Variants in SPECC1 observed in about 807,000 individuals in gnomAD.
SPECC1 encodes sperm antigen with calponin homology and coiled-coil domains 1.
A neutral mutation model predicts 104.1 loss-of-function variants in SPECC1; 62 were observed. The ratio of observed to expected loss-of-function variants is 0.60; its 90% CI spans 0.49 to 0.74. The LOEUF is 0.74. Ranked by LOEUF, SPECC1 falls within the 30% of genes least tolerant of loss-of-function variation. The probability of loss-of-function intolerance (pLI) is 0.00; values close to 1 mark genes in which losing one functional copy is unlikely to be tolerated. For synonymous variants in SPECC1, 513 were observed against 501.6 expected, an observed-to-expected ratio of 1.02 and a Z score of -0.30; for missense variants, 1,306 against 1,310.5, an observed-to-expected ratio of 1.00 and a Z score of 0.05.
intron 3 of SPECC1, among the ~76,000 whole-genome samples, chr17:20,185,550 A>T (rs972487270): frequency 6.6e-6 from 1 of 152,226 alleles, no homozygotes; most frequent in South Asian, 2.1e-4. Context: ...TGGCCTAGCC[A>T]AGCTCTTCCC....
intron 3 of SPECC1, among the ~76,000 whole-genome samples, chr17:20,117,832 G>A (rs1326108000): frequency 1.3e-4 from 20 of 151,398 alleles, no homozygotes; most frequent in Admixed American, 1.2e-3. Context: ...GGCTGGGTGC[G>A]GTGGCTCAAC....
intron 3 of SPECC1, among the ~76,000 whole-genome samples, chr17:20,180,584 C>T (rs758543315): frequency 6.6e-6 from 1 of 152,064 alleles, no homozygotes; most frequent in Non-Finnish European, 1.5e-5. Context: ...TCACAGGGGC[C>T]GGTGGGTGGC....
chr17:20,018,424 T>C (rs973840389), intron 1 of SPECC1, among the ~76,000 whole-genome samples: 10 of 152,218 alleles, frequency 6.6e-5, no homozygotes, highest in Non-Finnish European at 1.5e-4. Context: ...AGGGTCTTGC[T>C]CTGTCTCCCA....
intron 2 of SPECC1, 70 bp downstream of exon 2, chr17:20,096,868 A>T (rs541477689): frequency 8.8e-5 from 136 of 1,546,516 alleles, no homozygotes; most frequent in Non-Finnish European, 1.2e-4. Flanking sequence ...TGAAGAGGGC[A>T]GTAAGCAAAC....
At chr17:20,056,703 T>C (rs1324697851) in intron 1 of SPECC1, 1 of 152,350 alleles carries the variant, frequency 6.6e-6, no homozygotes, top group Non-Finnish European at 1.5e-5. Flanking sequence ...ATTTTATAGA[T>C]GTTTGCATTG....
chr17:20,227,486 A>G lies in SPECC1; in HGVS notation c.1937A>G (p.Lys646Arg). The G allele has an allele frequency of 6.2e-7, 1 of 1,613,924 alleles. No homozygotes were observed. The highest frequency in any genetic ancestry group is 2.2e-5 in the East Asian group (1 of 44,884). ...GAACAGCTGAGCAGAACCAGCCTAAAGCTGCAAGAAAAAGCATCAGAGAGT... is the reference window on the plus strand; with the variant it reads ...GAACAGCTGAGCAGAACCAGCCTAAGGCTGCAAGAAAAAGCATCAGAGAGT... ...QAEQLSRTSL[K>R]LQEKASESDA... The change falls in exon 5 of 15, where the codon AAG (lysine) becomes AGG (arginine). Residue 646 changes from lysine to arginine, a missense_variant. Lys to Arg is a conservative substitution (Grantham distance 26). Around this residue, in one of 2 missense-constraint regions of SPECC1, gnomAD observed 1,177 missense variants for 1,139.9 expected, o/e 1.03. Transcript: ENST00000395527.
chr17:20,083,301 T>C (rs2047054332), intron 1 of SPECC1, among the ~76,000 whole-genome samples: 1 of 152,216 alleles, frequency 6.6e-6, no homozygotes, highest in Admixed American at 6.5e-5. Context: ...TTCCAGTTAG[T>C]TGGAGAGACA....
At chr17:20,029,198 T>G (rs867578469) in intron 1 of SPECC1, among the ~76,000 whole-genome samples, 4 of 152,242 alleles carry the variant, frequency 2.6e-5, no homozygotes, top group South Asian at 2.1e-4. Flanking sequence ...TAACAGTGTT[T>G]TGTAGCTTCT....
rs997182319 is a variant in SPECC1 at position 20,187,396 on chromosome 17, G to A, written c.284-16937G>A. 2.6e-5 allele frequency among the ~76,000 whole-genome samples: 4 copies of A among 152,184 alleles called. No homozygotes were observed. In the East Asian group the frequency reaches 7.7e-4, roughly 29 times the overall value. Reference sequence around the variant, plus strand: ...AGGATGGCAGAGACTCAATCAGAATGAGTGTTGAGTAGATGTTTTTTGGGG... The same window carrying A: ...AGGATGGCAGAGACTCAATCAGAATAAGTGTTGAGTAGATGTTTTTTGGGG... On this transcript the variant is annotated intron_variant, in intron 3 of 14. Transcript: ENST00000395527.
chr17:20,037,933 AT>A (rs1240825593), intron 1 of SPECC1, among the ~76,000 whole-genome samples: 2 of 152,218 alleles, frequency 1.3e-5, no homozygotes, highest in Admixed American at 6.5e-5. Flanking sequence ...TACAAATTCA[AT>A]TTTCTCAGTA....
At chr17:20,272,765 A>G (rs2040449527) in intron 12 of SPECC1, among the ~76,000 whole-genome samples, 1 of 152,172 alleles carries the variant, frequency 6.6e-6, no homozygotes, top group South Asian at 2.1e-4. Flanking sequence ...TTGCTATCAT[A>G]TTTTTAACTT....
chr17:20,222,863 T>G (rs1285942848), intron 4 of SPECC1, among the ~76,000 whole-genome samples: 1 of 152,206 alleles, frequency 6.6e-6, no homozygotes, highest in East Asian at 1.9e-4. Context: ...TGTTTGACAT[T>G]TTTTCCTTCA....
intron 7 of SPECC1, among the ~76,000 whole-genome samples, chr17:20,243,056 C>T (rs1326838912): frequency 9.9e-5 from 15 of 152,136 alleles, no homozygotes; most frequent in Admixed American, 9.2e-4. Context: ...GGAGGGAATG[C>T]AAGTATGTGA....
chr17:20,029,620 TTG>T (rs1597586443), intron 1 of SPECC1, among the ~76,000 whole-genome samples: 1 of 152,328 alleles, frequency 6.6e-6, no homozygotes, highest in East Asian at 1.9e-4. Flanking sequence ...CTCATTCAAA[TTG>T]TCTCTTTCTT....
At position 20,205,199 on chromosome 17, in the gene SPECC1, C is replaced by T. The variant is rs762092204; in HGVS notation, c.1150C>T (p.His384Tyr). 1 of 1,614,066 alleles carries T rather than the reference C, an allele frequency of 6.2e-7. No individual in the cohort carries two copies. Among genetic ancestry groups the T allele is most frequent in the East Asian group, 2.2e-5 (1 of 44,872 alleles). The change falls in exon 4 of 15, where the codon CAC becomes TAC. Residue 384 changes from histidine (H) to tyrosine (Y), a missense_variant. Transcript: ENST00000395527. Reference protein sequence around the residue: ...TEKIQKMEENHHSTAEELQAT... With the variant: ...TEKIQKMEENYHSTAEELQAT... ...GAAGATACAAAAGATGGAAGAAAAC[C>T]ACCATAGCACTGCAGAAGAACTACA...
chr17:20,044,165 G>A (rs906379710), intron 1 of SPECC1, among the ~76,000 whole-genome samples: 1 of 152,006 alleles, frequency 6.6e-6, no homozygotes, highest in Non-Finnish European at 1.5e-5. Context: ...TCTCACAGTG[G>A]AAATGTTCAT....
At chr17:20,194,502 A>ATTTTTTTTTTTTTTTTTTTTTTTTTT (rs1209589252) in intron 3 of SPECC1, among the ~76,000 whole-genome samples, 4 of 86,562 alleles carry the variant, frequency 4.6e-5, no homozygotes, top group African/African-American at 1.6e-4. Context: ...AAGAGAACGA[A>ATTTTTTTTTTTTTTTTTTTTTTTTTT]TTTTTTTTTT....
intron 3 of SPECC1, among the ~76,000 whole-genome samples, chr17:20,140,220 A>G (rs1209819578): frequency 6.6e-6 from 1 of 152,186 alleles, no homozygotes; most frequent in Non-Finnish European, 1.5e-5. Flanking sequence ...ACATTTGTTC[A>G]CTCATCTTTA....
intron 4 of SPECC1, among the ~76,000 whole-genome samples, chr17:20,211,577 C>T (rs1036731736): frequency 6.6e-6 from 1 of 152,252 alleles, no homozygotes; most frequent in African/African-American, 2.4e-5. Context: ...AATGCCTGTG[C>T]AGCCTTTTAT....
Sources: allele counts gnomAD v4.1 joint callset (sites outside exome capture counted in the v4.1 genomes callset), GRCh38; gene constraint gnomAD v4.1.1; regional missense constraint gnomAD v4.1.1; transcripts MANE v1.5; gene names NCBI Gene and HGNC (gene_info 2026-07-23, HGNC 2026-07-21).